C4orf17: variants seen among roughly 807,000 people sequenced by gnomAD.
C4orf17 encodes uncharacterized protein C4orf17.
A neutral mutation model predicts 32.0 loss-of-function variants in C4orf17; 25 were observed. That is an observed-to-expected ratio of 0.78 (90% CI 0.57 to 1.09). The LOEUF (loss-of-function observed/expected upper bound fraction) is 1.09, where lower values mean the gene tolerates loss of function less well. Ranked by LOEUF, C4orf17 falls within the 50% of genes least tolerant of loss-of-function variation. C4orf17 has a pLI of 0.00. For synonymous variants in C4orf17, 149 were observed against 145.8 expected (o/e 1.02, Z -0.16); for missense variants, 420 against 420.0 (o/e 1.00, Z 0.00).
chr4:99,539,479 G>C, intron 7 of C4orf17, 109 bp downstream of exon 7: 1 of 818,470 alleles, frequency 1.2e-6, no homozygotes, highest in Admixed American at 2.3e-5. Context: ...CTAAAGCTCC[G>C]CTTTATTCAG....
At chr4:99,525,358 C>T (rs1370312256) in intron 4 of C4orf17, among the ~76,000 whole-genome samples, 2 of 152,176 alleles carry the variant, frequency 1.3e-5, no homozygotes, top group Admixed American at 1.3e-4. Context: ...TATTTTTAGC[C>T]AGCCTACTGG....
Position 99,539,328 on chromosome 4 carries a change from CA to C in C4orf17, c.798del (p.Val267CysfsTer2), listed in dbSNP as rs376480962. 14 of 1,614,076 alleles carry C rather than the reference CA, an allele frequency of 8.7e-6. No individual in the cohort carries two copies. The highest frequency in any genetic ancestry group is 5.3e-5 in the African/African-American group (4 of 75,038). Reference sequence around the variant, plus strand: ...TTGCCCCCAAATTTTACTGCAAAATCAAAAGTGCTGACCAGAGATACAGAAG... The same window carrying C: ...TTGCCCCCAAATTTTACTGCAAAATCAAAGTGCTGACCAGAGATACAGAAG... ...VKLPPNFTAK[S>X]KVLTRDTEGD... On this transcript the variant is annotated frameshift_variant, in exon 7 of 9. Coordinates refer to ENST00000326581, the MANE Select transcript of C4orf17 (RefSeq NM_032149.3). LOFTEE classifies it high-confidence loss of function.
intron 4 of C4orf17, among the ~76,000 whole-genome samples, chr4:99,525,099 T>C (rs920695032): frequency 3.9e-5 from 6 of 152,230 alleles, no homozygotes; most frequent in Non-Finnish European, 7.3e-5. Context: ...GAGGGACATT[T>C]AGGTCCTTCC....
chr4:99,513,695 C>T (rs981052275), intron 2 of C4orf17, among the ~76,000 whole-genome samples: 1 of 152,014 alleles, frequency 6.6e-6, no homozygotes, highest in Non-Finnish European at 1.5e-5. Context: ...TCTTCTCTTT[C>T]CTTCCTCTCT....
At chr4:99,527,116 A>C (rs1276914529) in intron 4 of C4orf17, among the ~76,000 whole-genome samples, 1 of 152,030 alleles carries the variant, frequency 6.6e-6, no homozygotes, top group Admixed American at 6.6e-5. Flanking sequence ...TTATGTTCAG[A>C]ATACTTCCTA....
At chr4:99,536,189 G>A (rs1317030853) in intron 5 of C4orf17, 3 of 225,280 alleles carry the variant, frequency 1.3e-5, no homozygotes, top group South Asian at 5.4e-5. Context: ...AGGTATTACC[G>A]GGTCAGGAGG....
At chr4:99,525,728 A>T (rs1278575572) in intron 4 of C4orf17, among the ~76,000 whole-genome samples, 2 of 151,772 alleles carry the variant, frequency 1.3e-5, no homozygotes, top group East Asian at 3.9e-4. Flanking sequence ...CGGGAGGTGG[A>T]GGAGGTTGCA....
At chr4:99,539,448 C>G (rs963623840) in intron 7 of C4orf17, 78 bp downstream of exon 7, 22 of 1,203,648 alleles carry the variant, frequency 1.8e-5, no homozygotes, top group Non-Finnish European at 2.7e-5. Flanking sequence ...ATTTATCTTT[C>G]AAAATGTTAA....
Position 99,537,698 on chromosome 4 carries a change from T to C in C4orf17, c.576T>C (p.His192=). 1 of 1,612,894 alleles carries C rather than the reference T, an allele frequency of 6.2e-7. No homozygotes were observed. The highest frequency in any genetic ancestry group is 8.5e-7 in the Non-Finnish European group (1 of 1,179,844). ...TGGCAAAGCTCTGTAGCATTTTGCA[T>C]ACTGATTCTCTGGCAGAAGTTTTAC... ...KILAKLCSIL[H]TDSLAEVLQW... is the part of the protein sequence containing the mutation. Residue 192 remains histidine, a synonymous_variant, in exon 6 of 9, where the codon CAT becomes CAC. Transcript: ENST00000326581.
chr4:99,541,362 A>G (rs1463377086), intron 8 of C4orf17: 2 of 153,278 alleles, frequency 1.3e-5, no homozygotes, highest in Non-Finnish European at 2.9e-5. Flanking sequence ...CTATAACATC[A>G]TGACAGTGAT....
intron 8 of C4orf17, chr4:99,541,211 G>A (rs1375499256): frequency 2.0e-5 from 3 of 152,202 alleles, no homozygotes; most frequent in African/African-American, 4.8e-5. Context: ...GTTCCACTGT[G>A]ATTAACCAAA....
intron 5 of C4orf17, among the ~76,000 whole-genome samples, chr4:99,532,425 T>C (rs1031032514): frequency 3.9e-5 from 6 of 152,174 alleles, no homozygotes; most frequent in Non-Finnish European, 8.8e-5. Context: ...GAGGGCATTA[T>C]TCTAAGTCAA....
intron 5 of C4orf17, 65 bp downstream of exon 5, chr4:99,530,023 C>T: frequency 7.8e-7 from 1 of 1,279,624 alleles, no homozygotes; most frequent in Non-Finnish European, 1.1e-6. Context: ...AAATTTATAC[C>T]ACTAGCATCC....
intron 6 of C4orf17, among the ~76,000 whole-genome samples, chr4:99,538,350 T>A (rs1260991724): frequency 6.6e-6 from 1 of 152,156 alleles, no homozygotes; most frequent in Non-Finnish European, 1.5e-5. Context: ...TGAGGCAAAA[T>A]CTCTGCAGTG....
In C4orf17 at chr4:99,512,904, C is replaced by T. The variant is rs185726577; in HGVS notation, c.-93-85C>T. On this transcript the variant is annotated intron_variant, in intron 1 of 8. Coordinates refer to ENST00000326581, the MANE Select transcript of C4orf17 (RefSeq NM_032149.3). Reference sequence around the variant, plus strand: ...CTGTAACATGAGAAACAATTTAGTTCAAGCAAAGAAGATGGAGAAATGTTT... The same window carrying T: ...CTGTAACATGAGAAACAATTTAGTTTAAGCAAAGAAGATGGAGAAATGTTT... The T allele has an allele frequency of 7.9e-4, 508 of 643,932 alleles. 3 individuals carry two copies. The African/African-American group carries it at 8.6e-3, about 11-fold the overall frequency. 39.9% of individuals were successfully genotyped at this position (643,932 alleles called of 1,614,324 possible).
intron 7 of C4orf17, 91 bp downstream of exon 7, chr4:99,539,461 A>G: frequency 7.5e-6 from 8 of 1,071,436 alleles, no homozygotes; most frequent in Non-Finnish European, 1.1e-5. Flanking sequence ...AATGTTAAAC[A>G]GGAGGTTCTA....
At chr4:99,540,487 G>A (rs1239592144) in intron 8 of C4orf17, 32 bp downstream of exon 8, 1 of 1,502,234 alleles carries the variant, frequency 6.7e-7, no homozygotes, top group Non-Finnish European at 9.2e-7. Flanking sequence ...CTATTGAGTT[G>A]GTATAAAGAA....
At chr4:99,532,247 A>G (rs868702503) in intron 5 of C4orf17, among the ~76,000 whole-genome samples, 12 of 152,278 alleles carry the variant, frequency 7.9e-5, no homozygotes, top group South Asian at 4.1e-4. Flanking sequence ...AGACACCCGC[A>G]CTGGCATGTT....
In C4orf17 at chr4:99,513,203, T is replaced by A; in HGVS notation, c.122T>A (p.Ile41Asn). Reference sequence around the variant, plus strand: ...CCTCATCCCAGAAGAGTCTGCCACATCAAAGGTAAGGTGACTTAAGGTCCT... The same window carrying A: ...CCTCATCCCAGAAGAGTCTGCCACAACAAAGGTAAGGTGACTTAAGGTCCT... ...HTPHPRRVCH[I>N]KGLNNIPICT... The change falls in exon 2 of 9, where the codon ATC becomes AAC. Residue 41 changes from isoleucine to asparagine, a missense_variant. Transcript: ENST00000326581. The A allele has an allele frequency of 6.2e-7, 1 of 1,613,814 alleles. No homozygotes were observed. Among genetic ancestry groups the A allele is most frequent in the Non-Finnish European group, 8.5e-7 (1 of 1,179,770 alleles).
Sources: allele counts gnomAD v4.1 joint callset (sites outside exome capture counted in the v4.1 genomes callset), GRCh38; gene constraint gnomAD v4.1.1; transcripts MANE v1.5; gene names NCBI Gene and HGNC (gene_info 2026-07-23, HGNC 2026-07-21).